SHMT1: variants seen among roughly 807,000 people sequenced by gnomAD.
The protein encoded by SHMT1 is serine hydroxymethyltransferase 1.
In SHMT1, 45 loss-of-function variants were observed where a neutral mutation model predicts 49.0. The ratio of observed to expected loss-of-function variants is 0.92; its 90% CI spans 0.72 to 1.18. The LOEUF is 1.18. Ranked by LOEUF, SHMT1 falls within the 50% of genes most tolerant of loss-of-function variation. The probability of loss-of-function intolerance (pLI) is 0.00; values close to 1 mark genes in which losing one functional copy is unlikely to be tolerated. For missense variants in SHMT1, 541 were observed against 612.4 expected (o/e 0.88, Z 1.23); for synonymous variants, 232 against 246.6 (o/e 0.94, Z 0.55).
At chr17:18,360,579 G>C (rs973787756) in intron 1 of SHMT1, 2 of 150,620 alleles carry the variant, frequency 1.3e-5, no homozygotes, top group African/African-American at 4.9e-5. Flanking sequence ...AAAAAGAAAA[G>C]AAAAGAAAGA....
chr17:18,348,883 AG>A (rs1191085462), intron 3 of SHMT1, among the ~76,000 whole-genome samples: 1 of 151,624 alleles, frequency 6.6e-6, no homozygotes, highest in Non-Finnish European at 1.5e-5. Flanking sequence ...GAGGCTGAGA[AG>A]GGAAGATTCA....
chr17:18,341,227 A>G, intron 5 of SHMT1: 1 of 239,858 alleles, frequency 4.2e-6, no homozygotes, highest in South Asian at 5.6e-5. Flanking sequence ...ATTAGGAAAG[A>G]AGAAATTTAA....
In SHMT1 at chr17:18,340,634, G is replaced by C. The variant is rs1303522154; in HGVS notation, c.601+98C>G. ...ACTCAGTTATCCAGGGCAGAAACTA[G>C]CAGTGGGCTCAACAGGGTGCGAACA... On this transcript the variant is annotated intron_variant, in intron 6 of 11. Transcript: ENST00000316694. This position sits in a 1 kb window ranked among gnomAD's most constrained non-coding sequence, Gnocchi z 4.5. The C allele has an allele frequency of 2.9e-6, 3 of 1,033,484 alleles. No homozygotes were observed. Among genetic ancestry groups the C allele is most frequent in the Non-Finnish European group, 4.4e-6 (3 of 675,032 alleles). The allele number at this position is 1,033,484 out of a possible 1,614,324, so 64.0% of individuals were successfully genotyped here. A position where few individuals can be genotyped will look rare whatever the true frequency, so the allele number is the denominator to read the frequency against.
Position 18,347,527 on chromosome 17 carries a change from G to A in SHMT1, c.488C>T (p.Thr163Met), listed in dbSNP as rs1297854070. Residue 163 changes from threonine to methionine, a missense_variant, in exon 5 of 12, where the codon ACG becomes ATG. By Grantham distance (81) the Thr-to-Met change is moderately conservative. Transcript: ENST00000316694. ...GGGCATAGATTCAAAGAAGATGGAC[G>A]TGGCAGAGATTTTCTTCTTGTCTGT... ...FMTDKKKISA[T>M]SIFFESMPYK... The A allele has an allele frequency of 8.1e-6, 13 of 1,614,178 alleles. No individual in the cohort carries two copies. The highest frequency in any genetic ancestry group is 9.3e-6 in the Non-Finnish European group (11 of 1,180,028).
chr17:18,336,713 G>A (rs1330775374), intron 7 of SHMT1, among the ~76,000 whole-genome samples: 2 of 152,130 alleles, frequency 1.3e-5, no homozygotes, highest in African/African-American at 2.4e-5. Context: ...GGGAGGCAGA[G>A]GTGGGAGGAT....
In SHMT1 at chr17:18,328,638, C is replaced by G; in HGVS notation, c.*112G>C. 1.7e-6 allele frequency: 2 copies of G among 1,197,774 alleles called. No homozygotes were observed. The highest frequency in any genetic ancestry group is 2.7e-5 in the South Asian group (2 of 75,468). 74.2% of individuals were successfully genotyped at this position (1,197,774 alleles called of 1,614,324 possible). A position where few individuals can be genotyped will look rare whatever the true frequency, so the allele number is the denominator to read the frequency against. On this transcript the variant is annotated 3_prime_UTR_variant, in exon 12 of 12. Coordinates refer to ENST00000316694, the MANE Select transcript of SHMT1 (RefSeq NM_004169.5). ...GTCCAAAAGAAACCCCCTCAAAGGGCCCGAGTGTCAACAGTTCCCCTTTGG... is the reference window on the plus strand; with the variant it reads ...GTCCAAAAGAAACCCCCTCAAAGGGGCCGAGTGTCAACAGTTCCCCTTTGG...
At chr17:18,347,751 G>T in intron 4 of SHMT1, 95 bp from the exon 5 acceptor site, 2 of 1,360,094 alleles carry the variant, frequency 1.5e-6, no homozygotes, top group South Asian at 1.2e-5. Context: ...CCCAGGAGTG[G>T]CGAGAACAGG....
intron 1 of SHMT1, among the ~76,000 whole-genome samples, chr17:18,362,812 G>A (rs1986896131): frequency 6.6e-6 from 1 of 152,172 alleles, no homozygotes; most frequent in Non-Finnish European, 1.5e-5. Context: ...AACAGGGGGT[G>A]GCAGATTGCG....
intron 2 of SHMT1, 81 bp downstream of exon 2, chr17:18,355,805 C>G: frequency 1.1e-6 from 1 of 875,234 alleles, no homozygotes; most frequent in African/African-American, 1.7e-5. Context: ...AAGGCTGTCC[C>G]TAATTAATTT....
chr17:18,341,353 A>G (rs1984484304), intron 5 of SHMT1: 1 of 173,224 alleles, frequency 5.8e-6, no homozygotes, highest in African/African-American at 2.4e-5. Context: ...AAAAACAAGA[A>G]GTAGGGGCTG....
At chr17:18,357,279 CAAAAAAAAAA>C (rs10560620) in intron 1 of SHMT1, among the ~76,000 whole-genome samples, 3 of 89,514 alleles carry the variant, frequency 3.4e-5, no homozygotes, top group South Asian at 4.3e-4. Flanking sequence ...GACTCCACCT[CAAAAAAAAAA>C]AAAAAAAAAA....
At chr17:18,336,273 T>C (rs1240569435) in intron 7 of SHMT1, among the ~76,000 whole-genome samples, 4 of 147,616 alleles carry the variant, frequency 2.7e-5, no homozygotes, top group Non-Finnish European at 6.0e-5. Context: ...TGACATTCTG[T>C]CTCAAAAAGA....
At chr17:18,342,797 G>A (rs530038186) in intron 5 of SHMT1, among the ~76,000 whole-genome samples, 28 of 151,890 alleles carry the variant, frequency 1.8e-4, no homozygotes, top group African/African-American at 2.7e-4. Flanking sequence ...TTAGCCAGGC[G>A]TGGTGGCGTA....
intron 3 of SHMT1, among the ~76,000 whole-genome samples, chr17:18,350,296 G>A (rs964366301): frequency 3.3e-5 from 5 of 151,952 alleles, no homozygotes; most frequent in East Asian, 3.9e-4. Flanking sequence ...GTGCCACTGC[G>A]CTCCAGCCTG....
intron 5 of SHMT1, chr17:18,341,153 G>C (rs1984460550): frequency 8.4e-6 from 3 of 355,332 alleles, no homozygotes; most frequent in African/African-American, 4.1e-5. Flanking sequence ...AGACCAAAAT[G>C]CCTGCTAATA....
In SHMT1 at chr17:18,328,271, G is replaced by C; in HGVS notation, c.*479C>G. The C allele has an allele frequency of 5.2e-6, 1 of 193,050 alleles. No homozygotes were observed. The highest frequency in any genetic ancestry group is 1.1e-5 in the Non-Finnish European group (1 of 91,072). 12.0% of individuals were successfully genotyped at this position (193,050 alleles called of 1,614,324 possible). On this transcript the variant is annotated 3_prime_UTR_variant, in exon 12 of 12. Transcript: ENST00000316694. ...TAACATACACTTCTGATTTACAGCAGAAGCCTCAGAAGCTAATTCAGTTCT... is the reference window on the plus strand; with the variant it reads ...TAACATACACTTCTGATTTACAGCACAAGCCTCAGAAGCTAATTCAGTTCT...
At chr17:18,332,795 C>T in intron 9 of SHMT1, 1 of 352,272 alleles carries the variant, frequency 2.8e-6, no homozygotes, top group Non-Finnish European at 5.6e-6. Flanking sequence ...AGACACTCCC[C>T]TGGCACAGTG....
Position 18,328,915 on chromosome 17 carries a change from T to C in SHMT1, c.1287A>G (p.Ile429Met), listed in dbSNP as rs1982859700. Residue 429 changes from isoleucine (I) to methionine (M), a missense_variant, in exon 12 of 12, where the codon ATA becomes ATG. By Grantham distance (10) the Ile-to-Met change is conservative. Transcript: ENST00000316694. ...QKVAHFIHRGIELTLQIQSDT... is the reference protein window; with the variant it reads ...QKVAHFIHRGMELTLQIQSDT... The stretch of plus-strand genomic sequence containing the variant: ...CGCTCTGGATCTGCAGGGTCAGCTC[T>C]ATCCCTGTGCCACAAGACACAAATG... 5 of 1,613,704 alleles carry C rather than the reference T, an allele frequency of 3.1e-6. No individual in the cohort carries two copies. The highest frequency in any genetic ancestry group is 1.3e-5 in the African/African-American group (1 of 74,922).
rs751028394 is a variant in SHMT1 at position 18,347,509 on chromosome 17, G to A, written c.506C>T (p.Ser169Phe). ...KISATSIFFE[S>F]MPYKVNPDTG... ...ACACATGCTTACCTTGTAGGGCATAGATTCAAAGAAGATGGACGTGGCAGA... is the reference window on the plus strand; with the variant it reads ...ACACATGCTTACCTTGTAGGGCATAAATTCAAAGAAGATGGACGTGGCAGA... Residue 169 changes from serine (S) to phenylalanine (F), a missense_variant, in exon 5 of 12, where the codon TCT becomes TTT. By Grantham distance (155) the Ser-to-Phe change is radical (BLOSUM62 -2). Transcript: ENST00000316694. 2 of 1,614,158 alleles carry A rather than the reference G, an allele frequency of 1.2e-6. No individual in the cohort carries two copies. The highest frequency in any genetic ancestry group is 3.3e-5 in the Admixed American group (2 of 60,012).
Sources: gnomAD v4.1 joint callset for allele counts (sites outside exome capture counted in the v4.1 genomes callset) on GRCh38, gnomAD v4.1.1 for gene constraint, Gnocchi (gnomAD v3.1) non-coding constraint, MANE v1.5 for transcripts, NCBI Gene and HGNC (gene_info 2026-07-23, HGNC 2026-07-21) for gene names.